GARRE1: variants seen among roughly 807,000 people sequenced by gnomAD.
The protein encoded by GARRE1 is granule associated Rac and RHOG effector protein 1.
Under a neutral mutation model 103.2 loss-of-function variants are expected in GARRE1, and 49 were observed. The observed-to-expected ratio is 0.47, with a 90% CI of 0.38 to 0.60. GARRE1 has a LOEUF of 0.60. GARRE1 is among the 20% of genes least tolerant of loss of function. GARRE1 has a pLI of 0.00. For synonymous variants in GARRE1, 505 were observed against 532.8 expected (o/e 0.95, Z 0.72); for missense variants, 1,199 against 1,370.5 (o/e 0.87, Z 1.98).
At chr19:34,305,038 C>T (rs1228916882) in intron 2 of GARRE1, among the ~76,000 whole-genome samples, 1 of 151,954 alleles carries the variant, frequency 6.6e-6, no homozygotes, top group African/African-American at 2.4e-5. Context: ...GGGATCCGCC[C>T]GTCTCGGCCT....
chr19:34,259,517 A>G (rs1174675546), intron 1 of GARRE1, among the ~76,000 whole-genome samples: 3 of 152,244 alleles, frequency 2.0e-5, no homozygotes, highest in African/African-American at 4.8e-5. Context: ...ATGCCAAATA[A>G]GCAATTGTCA....
intron 1 of GARRE1, among the ~76,000 whole-genome samples, chr19:34,297,636 C>G (rs2095631067): frequency 6.6e-6 from 1 of 152,172 alleles, no homozygotes; most frequent in Non-Finnish European, 1.5e-5. Flanking sequence ...GCCACAGAGT[C>G]TCCACGGGAA....
intron 8 of GARRE1, among the ~76,000 whole-genome samples, chr19:34,335,971 TA>T (rs2074159281): frequency 6.6e-6 from 1 of 152,036 alleles, no homozygotes; most frequent in Admixed American, 6.6e-5. Flanking sequence ...AAAGTTCTTT[TA>T]TTTTTTTAAA....
intron 2 of GARRE1, among the ~76,000 whole-genome samples, chr19:34,301,513 CAAAAAAAAAA>C (rs57777660): frequency 2.0e-3 from 173 of 85,388 alleles, no homozygotes; most frequent in East Asian, 3.7e-3. Flanking sequence ...GACCATGTCT[CAAAAAAAAAA>C]AAAAAAAAAA....
At position 34,319,971 on chromosome 19, in the gene GARRE1, A is replaced by G. The variant is rs143376054; in HGVS notation, c.560A>G (p.Gln187Arg). ...TTCCAGTTTTTGACTCATGCGTTACAGAAGGTCCAGCCGGTGGCTCACTCT... is the reference window on the plus strand; with the variant it reads ...TTCCAGTTTTTGACTCATGCGTTACGGAAGGTCCAGCCGGTGGCTCACTCT... ...VHFQFLTHAL[Q>R]KVQPVAHSCF... Residue 187 changes from glutamine (Q) to arginine (R), a missense_variant, in exon 3 of 14, where the codon CAG (glutamine) becomes CGG (arginine). Physicochemically the swap from Gln to Arg is conservative, Grantham distance 43. Coordinates refer to ENST00000299505, the MANE Select transcript of GARRE1 (RefSeq NM_014686.5). 62 of 1,614,266 alleles carry G rather than the reference A, an allele frequency of 3.8e-5. No individual in the cohort carries two copies. The African/African-American group carries it at 6.9e-4, about 18-fold the overall frequency.
chr19:34,260,063 G>C (rs2073706549), intron 1 of GARRE1, among the ~76,000 whole-genome samples: 1 of 152,088 alleles, frequency 6.6e-6, no homozygotes, highest in African/African-American at 2.4e-5. Context: ...ACCTAGTCTT[G>C]GGCATTTCCC....
At chr19:34,313,947 T>C (rs1253637948) in intron 2 of GARRE1, among the ~76,000 whole-genome samples, 1 of 152,118 alleles carries the variant, frequency 6.6e-6, no homozygotes, top group African/African-American at 2.4e-5. Flanking sequence ...ATCACAGGCA[T>C]GCACCACCAC....
chr19:34,293,138 A>G (rs1356436783), intron 1 of GARRE1, among the ~76,000 whole-genome samples: 3 of 152,214 alleles, frequency 2.0e-5, no homozygotes, highest in Non-Finnish European at 4.4e-5. Flanking sequence ...TAAACAGTGA[A>G]GAGATTTTTA....
At chr19:34,330,710 A>G (rs1023302594) in intron 7 of GARRE1, among the ~76,000 whole-genome samples, 1 of 149,702 alleles carries the variant, frequency 6.7e-6, no homozygotes, top group Non-Finnish European at 1.5e-5. Context: ...CCTGGGCAAC[A>G]TAGTGAGACC....
Position 34,341,859 on chromosome 19 carries a change from C to A in GARRE1, c.1925C>A (p.Thr642Asn). The A allele has an allele frequency of 6.2e-7, 1 of 1,614,206 alleles. No individual in the cohort carries two copies. Among genetic ancestry groups the A allele is most frequent in the Non-Finnish European group, 8.5e-7 (1 of 1,180,030 alleles). The part of the protein sequence containing the change: ...GKDEKGMNLP[T>N]DQEMQEVIDF... ...GATGAGAAGGGTATGAACTTACCAA[C>A]TGATCAGGAAATGCAAGAGGTGATA... Residue 642 changes from threonine (T) to asparagine (N), a missense_variant, in exon 10 of 14, where the codon ACT becomes AAT. Coordinates refer to ENST00000299505, the MANE Select transcript of GARRE1 (RefSeq NM_014686.5).
chr19:34,325,363 C>T (rs948143482), intron 3 of GARRE1, among the ~76,000 whole-genome samples: 9 of 152,144 alleles, frequency 5.9e-5, no homozygotes, highest in Non-Finnish European at 8.8e-5. Context: ...CAGCTGCTAC[C>T]GGGGGTCTCA....
chr19:34,258,208 A>G (rs1249851191), intron 1 of GARRE1, among the ~76,000 whole-genome samples: 1 of 152,032 alleles, frequency 6.6e-6, no homozygotes, highest in African/African-American at 2.4e-5. Flanking sequence ...TCATTTCCTG[A>G]AATCTGTGAC....
intron 3 of GARRE1, among the ~76,000 whole-genome samples, chr19:34,321,223 ATTT>A (rs71165648): frequency 1.3e-5 from 1 of 77,384 alleles, no homozygotes; most frequent in Admixed American, 1.8e-4. Flanking sequence ...AGCCCGGCTA[ATTT>A]TTTTTTTTTT....
intron 1 of GARRE1, among the ~76,000 whole-genome samples, chr19:34,259,298 G>A (rs939447434): frequency 6.6e-6 from 1 of 152,154 alleles, no homozygotes; most frequent in East Asian, 1.9e-4. Flanking sequence ...TTTGCCATTT[G>A]CTTTCTATCC....
At chr19:34,335,046 G>GAA (rs796763284) in intron 8 of GARRE1, among the ~76,000 whole-genome samples, 4 of 130,544 alleles carry the variant, frequency 3.1e-5, no homozygotes, top group Non-Finnish European at 3.3e-5. Flanking sequence ...CCGTCTCCAA[G>GAA]AAAAAAAAAA....
intron 3 of GARRE1, among the ~76,000 whole-genome samples, chr19:34,325,849 G>A (rs1204114873): frequency 2.0e-5 from 3 of 151,994 alleles, no homozygotes; most frequent in Non-Finnish European, 2.9e-5. Context: ...CCTGTTTCAC[G>A]GACCCGTCTG....
chr19:34,322,324 AC>A (rs1451685104), intron 3 of GARRE1, among the ~76,000 whole-genome samples: 1 of 151,780 alleles, frequency 6.6e-6, no homozygotes, highest in Non-Finnish European at 1.5e-5. Context: ...GGCGCGCACC[AC>A]GACGCCTGGC....
Position 34,342,111 on chromosome 19 carries a change from A to G in GARRE1, c.2177A>G (p.Gln726Arg). 1 of 1,614,158 alleles carries G rather than the reference A, an allele frequency of 6.2e-7. No homozygotes were observed. The highest frequency in any genetic ancestry group is 1.1e-5 in the South Asian group (1 of 91,076). The change falls in exon 10 of 14, where the codon CAG becomes CGG. Residue 726 changes from glutamine to arginine, a missense_variant. By Grantham distance (43) the Gln-to-Arg change is conservative (BLOSUM62 1). Transcript: ENST00000299505. Reference protein sequence around the residue: ...GLAPQQQSPKQQQPQVQYYQH... With the variant: ...GLAPQQQSPKRQQPQVQYYQH... ...GCACCTCAGCAGCAGTCCCCAAAGC[A>G]GCAACAACCTCAAGTCCAATACTAC...
At chr19:34,330,071 A>G (rs932821980) in intron 6 of GARRE1, 118 bp from the exon 7 acceptor site, 1 of 948,300 alleles carries the variant, frequency 1.1e-6, no homozygotes, top group African/African-American at 1.7e-5. Context: ...GACGATAGAA[A>G]AATACATAAA....
Sources: allele counts gnomAD v4.1 joint callset (sites outside exome capture counted in the v4.1 genomes callset), GRCh38; gene constraint gnomAD v4.1.1; transcripts MANE v1.5; gene names NCBI Gene and HGNC (gene_info 2026-07-23, HGNC 2026-07-21).